The following ADGRG1 variants were observed in gnomAD, a reference collection of about 807,000 sequenced individuals.
ADGRG1 encodes the protein adhesion G protein-coupled receptor G1, also known as 7-transmembrane protein with no EGF-like N-terminal domains-1.
Under a neutral mutation model 73.5 loss-of-function variants are expected in ADGRG1, and 53 were observed. The ratio of observed to expected loss-of-function variants is 0.72; its 90% CI spans 0.58 to 0.91. The LOEUF is 0.91. ADGRG1 is among the 40% of genes least tolerant of loss of function. The pLI, the probability that ADGRG1 is intolerant of heterozygous loss-of-function variation, is 0.00. For synonymous variants in ADGRG1, 394 were observed against 374.4 expected, an observed-to-expected ratio of 1.05 and a Z score of -0.60; for missense variants, 795 against 871.8, an observed-to-expected ratio of 0.91 and a Z score of 1.11.
chr16:57,656,422 G>A (rs552990463), intron 8 of ADGRG1, 92 bp from the exon 9 acceptor site: 2 of 1,606,216 alleles, frequency 1.2e-6, no homozygotes, highest in East Asian at 2.2e-5. Flanking sequence ...TAGGCCGGGT[G>A]GAAGAATGAC....
chr16:57,655,810 T>G, intron 6 of ADGRG1, 66 bp from the exon 7 acceptor site: 1 of 1,613,676 alleles, frequency 6.2e-7, no homozygotes, highest in Non-Finnish European at 8.5e-7. Context: ...GGTAAGGGGC[T>G]TCTGGGCCCT....
intron 1 of ADGRG1, chr16:57,631,872 G>A: frequency 1.0e-6 from 1 of 978,964 alleles, no homozygotes; most frequent in South Asian, 4.7e-5. Context: ...GTAGATTCTG[G>A]TCTTAGGTCT....
intron 1 of ADGRG1, chr16:57,633,170 C>T (rs2038448645): frequency 2.7e-6 from 1 of 368,822 alleles, no homozygotes; most frequent in Non-Finnish European, 3.7e-6. Flanking sequence ...GATAACAATA[C>T]ATCCCTTTGC....
chr16:57,642,133 A>T (rs1218016124), intron 1 of ADGRG1: 1 of 985,090 alleles, frequency 1.0e-6, no homozygotes, highest in Admixed American at 6.2e-5. Context: ...CTCTTTTCCA[A>T]CATCCTGAGT....
At chr16:57,658,449 G>T (rs751264986) in intron 10 of ADGRG1, among the ~76,000 whole-genome samples, 1 of 152,222 alleles carries the variant, frequency 6.6e-6, no homozygotes, top group Admixed American at 6.5e-5. Context: ...TAGAGGAGAG[G>T]CACCCTCGGT....
chr16:57,628,111 T>C (rs974014900), upstream of ADGRG1: 24 of 975,364 alleles, frequency 2.5e-5, no homozygotes, highest in Non-Finnish European at 2.9e-5. Flanking sequence ...GTGGCCTGGC[T>C]GGCCTCCTGC....
chr16:57,628,176 C>T (rs1432353991), upstream of ADGRG1: 11 of 985,328 alleles, frequency 1.1e-5, no homozygotes, highest in Non-Finnish European at 1.2e-5. Context: ...CCGGTCAGCA[C>T]TGGCTCCCGT....
intron 1 of ADGRG1, 127 bp downstream of exon 1, chr16:57,628,929 T>C (rs376097892): frequency 0.026 from 16,465 of 634,180 alleles, 534 homozygotes; most frequent in African/African-American, 0.12. Flanking sequence ...TGAGTGTGAG[T>C]GTGAGTGTGA....
At chr16:57,628,927 AGTGTGAGTGTGAGC>A (rs2036675397) in intron 1 of ADGRG1, 125 bp downstream of exon 1, 1 of 689,644 alleles carries the variant, frequency 1.5e-6, no homozygotes, top group South Asian at 6.8e-5. Flanking sequence ...AGTGAGTGTG[AGTGTGAGTGTGAGC>A]GTGAGAGTGT....
intron 10 of ADGRG1, among the ~76,000 whole-genome samples, chr16:57,658,066 G>T (rs1286015518): frequency 3.9e-5 from 6 of 152,130 alleles, no homozygotes; most frequent in African/African-American, 1.4e-4. Flanking sequence ...AAAATTGAGA[G>T]AGTCCACCTA....
intron 3 of ADGRG1, 55 bp from the exon 4 acceptor site, chr16:57,653,148 G>A: frequency 1.3e-6 from 2 of 1,599,708 alleles, no homozygotes; most frequent in African/African-American, 1.3e-5. Context: ...AGAATGGGAG[G>A]GTCCTGGGAC....
chr16:57,655,321 G>GTT (rs753254109), intron 5 of ADGRG1, 78 bp from the exon 6 acceptor site: 2 of 1,456,880 alleles, frequency 1.4e-6, no homozygotes, highest in African/African-American at 3.0e-5. Context: ...ACGGATGGGT[G>GTT]TGTGTGTGTG....
At chr16:57,644,768 AC>A (rs1311576271) in intron 1 of ADGRG1, among the ~76,000 whole-genome samples, 1 of 135,770 alleles carries the variant, frequency 7.4e-6, no homozygotes, top group Non-Finnish European at 1.6e-5. Flanking sequence ...ACACCCATGC[AC>A]ACACACATAT....
intron 10 of ADGRG1, chr16:57,659,057 C>T: frequency 1.0e-6 from 1 of 985,356 alleles, no homozygotes; most frequent in Non-Finnish European, 1.2e-6. Flanking sequence ...GACGGGAAGA[C>T]ACAGAATGTG....
chr16:57,635,731 C>T (rs75981423), intron 1 of ADGRG1: 2 of 985,270 alleles, frequency 2.0e-6, no homozygotes, highest in African/African-American at 1.7e-5. Context: ...GCTGCCGACT[C>T]TCCATGTCGT....
chr16:57,627,687 G>T (rs13337484), upstream of ADGRG1: 473,150 of 589,168 alleles, frequency 0.8, 190,615 homozygotes, highest in Non-Finnish European at 0.82. Flanking sequence ...CATTGTAAAA[G>T]CCTCCCAGCA....
chr16:57,646,956 G>A (rs1329111921), intron 1 of ADGRG1: 92 of 984,930 alleles, frequency 9.3e-5, no homozygotes, highest in Non-Finnish European at 9.5e-5. Context: ...GGTACTGAGC[G>A]CCTGATGGCT....
rs16958462 is a variant in ADGRG1, at chr16:57,633,208, G to C, written c.-36+4406G>C. The C allele has an allele frequency of 1.3e-5, 8 of 609,596 alleles. No homozygotes were observed. The Admixed American group carries it at 2.5e-4, about 19-fold the overall frequency. The allele number at this position is 609,596 out of a possible 1,614,324, so 37.8% of individuals were successfully genotyped here. Reference sequence around the variant, plus strand: ...GGTTGCTGTGGAATTTGGGGCAAAAGTGGCTGCAAAGTATGTACCTAGCAC... The same window carrying C: ...GGTTGCTGTGGAATTTGGGGCAAAACTGGCTGCAAAGTATGTACCTAGCAC... On this transcript the variant is annotated intron_variant, in intron 1 of 13. Coordinates refer to ENST00000562631, the MANE Select transcript of ADGRG1 (RefSeq NM_201525.4).
chr16:57,663,163 C>T (rs988200398), intron 13 of ADGRG1: 9 of 858,154 alleles, frequency 1.0e-5, no homozygotes, highest in African/African-American at 1.8e-5. Flanking sequence ...GGCTCAGCCA[C>T]GTCCCTTTAC....
Sources: allele counts gnomAD v4.1 joint callset (sites outside exome capture counted in the v4.1 genomes callset), GRCh38; gene constraint gnomAD v4.1.1; transcripts MANE v1.5; gene names NCBI Gene and HGNC (gene_info 2026-07-23, HGNC 2026-07-21).